MCTP2: variants seen among roughly 807,000 people sequenced by gnomAD.
MCTP2 encodes the protein multiple C2 and transmembrane domain-containing protein 2.
In MCTP2, 132 loss-of-function variants were observed where a neutral mutation model predicts 111.6. That is an observed-to-expected ratio of 1.18 (90% CI 1.03 to 1.37). The LOEUF is 1.37. Ranked by LOEUF, MCTP2 falls within the 40% of genes most tolerant of loss-of-function variation. The probability of loss-of-function intolerance (pLI) is 0.00; values close to 1 mark genes in which losing one functional copy is unlikely to be tolerated. For synonymous variants in MCTP2, 395 were observed against 387.7 expected, an observed-to-expected ratio of 1.02 and a Z score of -0.22; for missense variants, 1,183 against 1,067.9, an observed-to-expected ratio of 1.11 and a Z score of -1.50.
intron 1 of MCTP2, among the ~76,000 whole-genome samples, chr15:94,270,024 G>T (rs904559834): frequency 5.3e-5 from 8 of 152,140 alleles, no homozygotes; most frequent in Non-Finnish European, 1.0e-4. Flanking sequence ...AGTGGTGAGG[G>T]TATTCAGGCA....
chr15:94,324,018 T>C (rs1458274336), intron 4 of MCTP2, among the ~76,000 whole-genome samples: 1 of 152,214 alleles, frequency 6.6e-6, no homozygotes, highest in East Asian at 1.9e-4. Context: ...TCTGAGTAGC[T>C]CTTGGCTGTC....
chr15:94,342,080 G>A (rs953899798), intron 7 of MCTP2: 3 of 152,130 alleles, frequency 2.0e-5, no homozygotes, highest in East Asian at 1.9e-4. Context: ...TATTTGTCAC[G>A]TGGTTGACAA....
intron 4 of MCTP2, among the ~76,000 whole-genome samples, chr15:94,325,812 A>ATTTTTTTTTTTTTTTTTTTTTTTTTT (rs557989149): frequency 1.3e-4 from 12 of 91,876 alleles, no homozygotes; most frequent in South Asian, 3.8e-4. Flanking sequence ...CATCGCTCCG[A>ATTTTTTTTTTTTTTTTTTTTTTTTTT]TTTTTTTTTT....
chr15:94,458,308 G>T, intron 20 of MCTP2, 62 bp downstream of exon 20: 2 of 977,588 alleles, frequency 2.0e-6, no homozygotes, highest in Non-Finnish European at 3.3e-6. Context: ...GGACAGTGGG[G>T]TAATGGCAGT....
Position 94,340,263 on chromosome 15 carries a change from T to C in MCTP2, c.845T>C (p.Leu282Pro). 1.2e-6 allele frequency: 2 copies of C among 1,612,096 alleles called. No homozygotes were observed. Among genetic ancestry groups the C allele is most frequent in the South Asian group, 1.1e-5 (1 of 91,032 alleles). The part of the protein sequence containing the change: ...MGSAFVILSD[L>P]ELNRTTEHIL... Reference sequence around the variant, plus strand: ...TCTGCATTTGTCATTCTCAGTGATCTTGAGCTTAACAGGTACCGTATTTTT... The same window carrying C: ...TCTGCATTTGTCATTCTCAGTGATCCTGAGCTTAACAGGTACCGTATTTTT... The change falls in exon 6 of 23, where the codon CTT (leucine) becomes CCT (proline). Residue 282 changes from leucine to proline, a missense_variant. Physicochemically the swap from Leu to Pro is moderately conservative, Grantham distance 98. Coordinates refer to ENST00000357742, the MANE Select transcript of MCTP2 (RefSeq NM_001385001.1).
chr15:94,400,101 T>G, intron 16 of MCTP2, 106 bp downstream of exon 16: 1 of 897,192 alleles, frequency 1.1e-6, no homozygotes, highest in East Asian at 2.5e-5. Context: ...TCCTCCCTCT[T>G]ACTCCTCCTC....
At chr15:94,443,045 C>CTT in intron 19 of MCTP2, 85 bp downstream of exon 19, 1 of 849,466 alleles carries the variant, frequency 1.2e-6, no homozygotes, top group South Asian at 2.1e-5. Flanking sequence ...TCTCTCTCCT[C>CTT]TCTTTTTTTT....
At chr15:94,463,698 A>G (rs2085351488) in intron 20 of MCTP2, among the ~76,000 whole-genome samples, 1 of 152,120 alleles carries the variant, frequency 6.6e-6, no homozygotes, top group Non-Finnish European at 1.5e-5. Flanking sequence ...CTCAAGAATG[A>G]TGTTTGCTGT....
At chr15:94,390,708 G>T (rs2080904633) in intron 14 of MCTP2, among the ~76,000 whole-genome samples, 1 of 148,608 alleles carries the variant, frequency 6.7e-6, no homozygotes, top group Non-Finnish European at 1.5e-5. Flanking sequence ...ATGAAGACCT[G>T]CAATTTCTTT....
At chr15:94,403,063 A>G (rs2152477435) in intron 17 of MCTP2, 1 of 987,528 alleles carries the variant, frequency 1.0e-6, no homozygotes, top group Non-Finnish European at 1.2e-6. Flanking sequence ...TATGCCATCA[A>G]GTATATCAGC....
intron 18 of MCTP2, among the ~76,000 whole-genome samples, chr15:94,442,626 CTGTTTACAGAAAGT>C (rs1186102062): frequency 3.6e-4 from 55 of 152,310 alleles, no homozygotes; most frequent in African/African-American, 1.1e-3. Flanking sequence ...AAGAACAACA[CTGTTTACAGAAAGT>C]ACAACTCAGC....
At chr15:94,234,329 G>C (rs891718390) in intron 1 of MCTP2, among the ~76,000 whole-genome samples, 2 of 152,194 alleles carry the variant, frequency 1.3e-5, no homozygotes, top group African/African-American at 2.4e-5. Flanking sequence ...ATGAGAAAAA[G>C]AGATGATAAT....
At chr15:94,351,650 C>T (rs1028977986) in intron 8 of MCTP2, among the ~76,000 whole-genome samples, 3 of 152,124 alleles carry the variant, frequency 2.0e-5, no homozygotes, top group Admixed American at 2.0e-4. Context: ...TATGGAGTAC[C>T]AGTACATTAT....
At chr15:94,350,035 C>A (rs191113516) in intron 8 of MCTP2, among the ~76,000 whole-genome samples, 1 of 152,286 alleles carries the variant, frequency 6.6e-6, no homozygotes, top group African/African-American at 2.4e-5. Context: ...TCTTAGACTT[C>A]TTCAATCAGC....
intron 17 of MCTP2, among the ~76,000 whole-genome samples, chr15:94,409,953 A>G (rs1418847188): frequency 7.3e-6 from 1 of 137,184 alleles, no homozygotes; most frequent in African/African-American, 2.8e-5. Context: ...GCCTCTCTCC[A>G]GAAGCCCTCC....
At chr15:94,315,351 G>T (rs1284369674) in intron 3 of MCTP2, among the ~76,000 whole-genome samples, 178 bp from the exon 4 acceptor site, 1 of 152,226 alleles carries the variant, frequency 6.6e-6, no homozygotes, top group Non-Finnish European at 1.5e-5. Context: ...GGGGAGAAAT[G>T]TAAGGGACTT....
intron 19 of MCTP2, 74 bp downstream of exon 19, chr15:94,443,034 GTC>G (rs549610141): frequency 1.9e-5 from 20 of 1,069,256 alleles, no homozygotes; most frequent in East Asian, 2.6e-5. Context: ...TTCAGGTTGA[GTC>G]TCTCTCCTCT....
intron 14 of MCTP2, among the ~76,000 whole-genome samples, chr15:94,386,787 T>G (rs1443579503): frequency 6.6e-6 from 1 of 151,304 alleles, no homozygotes; most frequent in African/African-American, 2.4e-5. Flanking sequence ...ATTCCTTGCT[T>G]GGTGAACATG....
At chr15:94,426,587 T>A (rs921247642) in intron 17 of MCTP2, among the ~76,000 whole-genome samples, 5 of 152,176 alleles carry the variant, frequency 3.3e-5, no homozygotes, top group Non-Finnish European at 7.4e-5. Context: ...GCTGGTATTG[T>A]TTTCATGAAC....
Sources: gnomAD v4.1 joint callset for allele counts (sites outside exome capture counted in the v4.1 genomes callset) on GRCh38, gnomAD v4.1.1 for gene constraint, MANE v1.5 for transcripts, NCBI Gene and HGNC (gene_info 2026-07-23, HGNC 2026-07-21) for gene names.